The following SGCZ variants were observed in gnomAD, a reference collection of about 807,000 sequenced individuals.
SGCZ encodes zeta-sarcoglycan.
Under a neutral mutation model 41.3 loss-of-function variants are expected in SGCZ, and 40 were observed. The ratio of observed to expected loss-of-function variants is 0.97; its 90% CI spans 0.75 to 1.26. The LOEUF is 1.26. Ranked by LOEUF, SGCZ falls within the 50% of genes most tolerant of loss-of-function variation. The probability of loss-of-function intolerance (pLI) is 0.00; values close to 1 mark genes in which losing one functional copy is unlikely to be tolerated. For missense variants in SGCZ, 552 were observed against 369.8 expected, an observed-to-expected ratio of 1.49 and a Z score of -4.04; for synonymous variants, 206 against 137.5, an observed-to-expected ratio of 1.50 and a Z score of -3.49.
intron 1 of SGCZ, among the ~76,000 whole-genome samples, chr8:15,099,136 G>A (rs1806505089): frequency 6.6e-6 from 1 of 152,226 alleles, no homozygotes; most frequent in Admixed American, 6.5e-5. Context: ...TTGTTATTGT[G>A]TAGAGAAAAC....
At chr8:14,805,935 G>T (rs371603909) in intron 1 of SGCZ, among the ~76,000 whole-genome samples, 67 of 146,448 alleles carry the variant, frequency 4.6e-4, no homozygotes, top group African/African-American at 1.5e-3. Context: ...CTCACTCAAA[G>T]CCGCTCAACT....
intron 1 of SGCZ, among the ~76,000 whole-genome samples, chr8:14,710,045 A>T (rs1266665319): frequency 6.6e-6 from 1 of 152,146 alleles, no homozygotes; most frequent in Non-Finnish European, 1.5e-5. Context: ...TCAGAGAGCA[A>T]TTCTCAAACA....
intron 1 of SGCZ, among the ~76,000 whole-genome samples, chr8:14,860,370 G>C (rs550607669): frequency 6.6e-6 from 1 of 151,766 alleles, no homozygotes; most frequent in Non-Finnish European, 1.5e-5. Flanking sequence ...GGTAACTGCA[G>C]ACTTTAATTG....
At chr8:14,324,885 G>C (rs145502768) in intron 2 of SGCZ, among the ~76,000 whole-genome samples, 1 of 152,262 alleles carries the variant, frequency 6.6e-6, no homozygotes, top group East Asian at 1.9e-4. Flanking sequence ...CTACGATAAA[G>C]TTGTTAAGAA....
At chr8:14,245,188 G>A (rs1437347453) in intron 3 of SGCZ, among the ~76,000 whole-genome samples, 1 of 152,140 alleles carries the variant, frequency 6.6e-6, no homozygotes, top group South Asian at 2.1e-4. Context: ...CAAAGGGAAT[G>A]CTTCCAGTTT....
chr8:15,016,386 G>A (rs918733410), intron 1 of SGCZ, among the ~76,000 whole-genome samples: 23 of 152,194 alleles, frequency 1.5e-4, no homozygotes, highest in African/African-American at 5.3e-4. Context: ...GGAATAACAT[G>A]GCGATGGTAG....
At chr8:14,897,499 TC>T (rs1047210196) in intron 1 of SGCZ, among the ~76,000 whole-genome samples, 5 of 152,182 alleles carry the variant, frequency 3.3e-5, no homozygotes, top group African/African-American at 1.2e-4. Flanking sequence ...CAGGATTCTT[TC>T]CCTTTTCAAC....
chr8:14,490,686 T>C (rs1038227968), intron 2 of SGCZ, among the ~76,000 whole-genome samples: 7 of 152,200 alleles, frequency 4.6e-5, no homozygotes, highest in Non-Finnish European at 7.3e-5. Flanking sequence ...TGAGAACAGC[T>C]CAGGAAATGA....
intron 3 of SGCZ, among the ~76,000 whole-genome samples, chr8:14,240,564 G>C (rs1798845390): frequency 6.6e-6 from 1 of 151,512 alleles, no homozygotes; most frequent in Admixed American, 6.6e-5. Context: ...TTTTTACTTA[G>C]TAGAACCATA....
intron 2 of SGCZ, among the ~76,000 whole-genome samples, chr8:14,545,398 G>A (rs1585066220): frequency 7.3e-6 from 1 of 136,562 alleles, no homozygotes; most frequent in East Asian, 2.3e-4. Context: ...TTATACTTTT[G>A]AAAAGCAAAT....
chr8:15,224,914 C>T (rs996925531), intron 1 of SGCZ, among the ~76,000 whole-genome samples: 1 of 152,072 alleles, frequency 6.6e-6, no homozygotes, highest in Non-Finnish European at 1.5e-5. Context: ...TAATTTTAAA[C>T]TTATATGTAT....
chr8:14,200,338 T>C (rs1805413542), intron 4 of SGCZ, among the ~76,000 whole-genome samples: 1 of 152,132 alleles, frequency 6.6e-6, no homozygotes, highest in Admixed American at 6.6e-5. Flanking sequence ...ACATAAATTT[T>C]TGTAGAGATT....
At chr8:15,161,079 T>G (rs141695514) in intron 1 of SGCZ, among the ~76,000 whole-genome samples, 2 of 152,220 alleles carry the variant, frequency 1.3e-5, no homozygotes, top group Non-Finnish European at 2.9e-5. Flanking sequence ...GATCTTGCAG[T>G]GGCCTCTCAA....
intron 7 of SGCZ, among the ~76,000 whole-genome samples, chr8:14,102,106 T>TATATATATAA (rs1491151875): frequency 3.0e-4 from 11 of 36,668 alleles, no homozygotes; most frequent in African/African-American, 1.2e-3. Context: ...ATATATATAA[T>TATATATATAA]TTTTTTTTTT....
At chr8:14,397,178 T>G (rs1418919285) in intron 2 of SGCZ, among the ~76,000 whole-genome samples, 2 of 152,136 alleles carry the variant, frequency 1.3e-5, no homozygotes, top group Admixed American at 6.6e-5. Flanking sequence ...TCACTTCACC[T>G]TGAGAGATGT....
chr8:14,294,235 T>C (rs1215813053), intron 3 of SGCZ, among the ~76,000 whole-genome samples: 1 of 151,924 alleles, frequency 6.6e-6, no homozygotes, highest in Non-Finnish European at 1.5e-5. Flanking sequence ...TAGGAATATA[T>C]TTATGTATAT....
chr8:14,240,308 A>G (rs1798824131), intron 3 of SGCZ, among the ~76,000 whole-genome samples: 1 of 136,312 alleles, frequency 7.3e-6, no homozygotes, highest in African/African-American at 2.8e-5. Flanking sequence ...AGCCTGAGTG[A>G]CAGAGCGAAA....
At position 15,101,106 on chromosome 8, in the gene SGCZ, C is replaced by T. The variant is rs139231555; in HGVS notation, c.39+136479G>A. 5.3e-5 allele frequency among the ~76,000 whole-genome samples: 8 copies of T among 152,188 alleles called. No homozygotes were observed. The East Asian group carries it at 1.4e-3, about 26-fold the overall frequency. On this transcript the variant is annotated intron_variant, in intron 1 of 7. Transcript: ENST00000382080. ...CTTATACTTTTCATACATATTAACTCGAATCGTAGACCTAACGTAAAACTC... is the reference window on the plus strand; with the variant it reads ...CTTATACTTTTCATACATATTAACTTGAATCGTAGACCTAACGTAAAACTC...
intron 1 of SGCZ, among the ~76,000 whole-genome samples, chr8:15,077,360 T>C (rs1805573573): frequency 6.6e-6 from 1 of 152,362 alleles, no homozygotes; most frequent in Non-Finnish European, 1.5e-5. Flanking sequence ...GTTATTGCAG[T>C]AATTTGGAGT....
Sources: gnomAD v4.1 joint callset for allele counts (sites outside exome capture counted in the v4.1 genomes callset) on GRCh38, gnomAD v4.1.1 for gene constraint, MANE v1.5 for transcripts, NCBI Gene and HGNC (gene_info 2026-07-23, HGNC 2026-07-21) for gene names.